FHIP2B: variants seen among roughly 807,000 people sequenced by gnomAD.
FHIP2B encodes FHF complex subunit HOOK-interacting protein 2B.
A neutral mutation model predicts 84.0 loss-of-function variants in FHIP2B; 72 were observed. The ratio of observed to expected loss-of-function variants is 0.86; its 90% CI spans 0.71 to 1.04. The LOEUF is 1.04. FHIP2B is among the 50% of genes least tolerant of loss of function. FHIP2B has a pLI of 0.00. For missense variants in FHIP2B, 972 were observed against 968.9 expected, an observed-to-expected ratio of 1.00 and a Z score of -0.04; for synonymous variants, 497 against 418.7, an observed-to-expected ratio of 1.19 and a Z score of -2.28.
chr8:22,090,249 ATGAGT>A (rs1230738191), intron 1 of FHIP2B, among the ~76,000 whole-genome samples: 1 of 151,948 alleles, frequency 6.6e-6, no homozygotes, highest in Non-Finnish European at 1.5e-5. Context: ...CCCCCAATTG[ATGAGT>A]TGAGTATCAG....
chr8:22,098,641 G>T, intron 7 of FHIP2B, 22 bp downstream of exon 7: 2 of 1,520,792 alleles, frequency 1.3e-6, no homozygotes, highest in Non-Finnish European at 8.9e-7. Flanking sequence ...GCCCGGGAAG[G>T]CCGGCCAGCA....
Position 22,100,954 on chromosome 8 carries a change from T to C in FHIP2B, c.1598T>C (p.Val533Ala). ...ACCAGTTACGATGGCAAAACAGCAGTGACCGAGATCGTCAACAGGTGGGGA... is the reference window on the plus strand; with the variant it reads ...ACCAGTTACGATGGCAAAACAGCAGCGACCGAGATCGTCAACAGGTGGGGA... ...PATSYDGKTAVTEIVNSFLCL... is the reference protein window; with the variant it reads ...PATSYDGKTAATEIVNSFLCL... The change falls in exon 12 of 17, where the codon GTG becomes GCG. Residue 533 changes from valine to alanine, a missense_variant. Physicochemically the swap from Val to Ala is moderately conservative, Grantham distance 64. Transcript: ENST00000289921. 1 of 1,613,822 alleles carries C rather than the reference T, an allele frequency of 6.2e-7. No individual in the cohort carries two copies. The highest frequency in any genetic ancestry group is 8.5e-7 in the Non-Finnish European group (1 of 1,179,858).
At chr8:22,094,560 C>T (rs201680362) in intron 2 of FHIP2B, 42 bp downstream of exon 2, 38 of 1,606,026 alleles carry the variant, frequency 2.4e-5, no homozygotes, top group Middle Eastern at 1.7e-4. Context: ...CTGGAGGGAG[C>T]GGGGAGGAAG....
chr8:22,099,687 G>T lies in FHIP2B; in HGVS notation c.1152-17G>T. ...TCTGCACACACCGGGCCTGGCTAAG[G>T]TGCCCTCTTCCCGTAGGTCCGAGCA... On this transcript the variant is annotated splice_polypyrimidine_tract_variant and intron_variant, in intron 9 of 16. Transcript: ENST00000289921. 2 of 1,555,044 alleles carry T rather than the reference G, an allele frequency of 1.3e-6. No individual in the cohort carries two copies. The highest frequency in any genetic ancestry group is 1.7e-6 in the Non-Finnish European group (2 of 1,156,714).
intron 1 of FHIP2B, among the ~76,000 whole-genome samples, chr8:22,091,698 G>A (rs910196851): frequency 1.3e-5 from 2 of 152,168 alleles, no homozygotes; most frequent in Non-Finnish European, 2.9e-5. Context: ...CGTGTCTCCT[G>A]CCGTACTGGA....
At chr8:22,100,045 A>G (rs954885204) in intron 10 of FHIP2B, 152 bp downstream of exon 10, 1 of 729,590 alleles carries the variant, frequency 1.4e-6, no homozygotes, top group Non-Finnish European at 2.1e-6. Flanking sequence ...ATCACACACT[A>G]ATTTTCTATG....
Position 22,098,558 on chromosome 8 carries a change from C to G in FHIP2B, c.904C>G (p.Arg302Gly). 1 of 1,610,414 alleles carries G rather than the reference C, an allele frequency of 6.2e-7. No individual in the cohort carries two copies. Among genetic ancestry groups the G allele is most frequent in the Non-Finnish European group, 8.5e-7 (1 of 1,178,516 alleles). The change falls in exon 7 of 17, where the codon CGG (arginine) becomes GGG (glycine). Residue 302 changes from arginine to glycine, a missense_variant. Transcript: ENST00000289921. ...CGTCCGGCACCTTTGCCAGTTGTAC[C>G]GGTCCATGCCTGTCTTCCTGGACCC... is the stretch of plus-strand genomic sequence containing the variant. ...AIVRHLCQLY[R>G]SMPVFLDPAD...
Position 22,099,342 on chromosome 8 carries a change from A to G in FHIP2B, c.1133A>G (p.Gln378Arg), listed in dbSNP as rs1457442210. ...GAGAACTTCTTCGTGGAGACCCTGC[A>G]GCCCCAGCTCCTGCACGTGTAAGTG... ...VAENFFVETLQPQLLHVSEQS... is the reference protein window; with the variant it reads ...VAENFFVETLRPQLLHVSEQS... Residue 378 changes from glutamine to arginine, a missense_variant, in exon 9 of 17, where the codon CAG becomes CGG. Coordinates refer to ENST00000289921, the MANE Select transcript of FHIP2B (RefSeq NM_022749.7). 6.8e-6 allele frequency: 11 copies of G among 1,613,554 alleles called. No individual in the cohort carries two copies. In the South Asian group the frequency reaches 1.2e-4, roughly 18 times the overall value.
rs1040004723 is a variant in FHIP2B at position 22,089,219 on chromosome 8, C to T, written c.-35C>T. 3 of 1,058,624 alleles carry T rather than the reference C, an allele frequency of 2.8e-6. No individual in the cohort carries two copies. The highest frequency in any genetic ancestry group is 3.4e-6 in the Non-Finnish European group (3 of 878,152). The allele number at this position is 1,058,624 out of a possible 1,614,324, so 65.6% of individuals were successfully genotyped here. ...CCTCCGCCTAGAGCGCTGCCGCCGC[C>T]GCTTTCGCCCGGGAGCCGGGGGCCG... On this transcript the variant is annotated 5_prime_UTR_variant, in exon 1 of 17. Coordinates refer to ENST00000289921, the MANE Select transcript of FHIP2B (RefSeq NM_022749.7).
At position 22,102,875 on chromosome 8, in the gene FHIP2B, T is replaced by G. The variant is rs1303975756; in HGVS notation, c.2176T>G (p.Phe726Val). The G allele has an allele frequency of 6.2e-7, 1 of 1,613,586 alleles. No individual in the cohort carries two copies. The highest frequency in any genetic ancestry group is 8.5e-7 in the Non-Finnish European group (1 of 1,179,784). ...GCTGGCTGCCATTGCCTTCGTCAAG[T>G]TTCCCCCACATGATCCTCGCCAGAA... is the stretch of plus-strand genomic sequence containing the variant. ...KELAAIAFVK[F>V]PPHDPRQNVS... is the part of the protein sequence containing the mutation. Residue 726 changes from phenylalanine to valine, a missense_variant, in exon 17 of 17, where the codon TTT (phenylalanine) becomes GTT (valine). Transcript: ENST00000289921.
chr8:22,098,096 C>T lies in FHIP2B; in HGVS notation c.554C>T (p.Ala185Val), dbSNP rs1401419654. 3.8e-6 allele frequency: 6 copies of T among 1,591,488 alleles called. No homozygotes were observed. The highest frequency in any genetic ancestry group is 5.1e-6 in the Non-Finnish European group (6 of 1,169,256). The change falls in exon 6 of 17, where the codon GCA (alanine) becomes GTA (valine). Residue 185 changes from alanine to valine, a missense_variant. Physicochemically the swap from Ala to Val is moderately conservative, Grantham distance 64. Transcript: ENST00000289921. Reference sequence around the variant, plus strand: ...AAAAAGATTGTAGGTAGGAAGAAAGCATGCGGAGAACCCACTGCCCTGCCT... The same window carrying T: ...AAAAAGATTGTAGGTAGGAAGAAAGTATGCGGAGAACCCACTGCCCTGCCT... Reference protein sequence around the residue: ...EGKKIVGRKKACGEPTALPKD... With the variant: ...EGKKIVGRKKVCGEPTALPKD...
intron 1 of FHIP2B, among the ~76,000 whole-genome samples, chr8:22,090,542 A>G (rs1176591017): frequency 6.6e-6 from 1 of 152,168 alleles, no homozygotes; most frequent in Admixed American, 6.5e-5. Flanking sequence ...TGATAAACCA[A>G]TTCATACCTC....
intron 1 of FHIP2B, among the ~76,000 whole-genome samples, chr8:22,093,267 A>G: frequency 6.6e-6 from 1 of 152,216 alleles, no homozygotes; most frequent in East Asian, 1.9e-4. Flanking sequence ...GATGATTAGA[A>G]TTCTTTTTTT....
intron 1 of FHIP2B, chr8:22,089,653 C>T: frequency 3.0e-6 from 2 of 657,518 alleles, no homozygotes; most frequent in South Asian, 1.8e-5. Context: ...GGGCCCTAGG[C>T]CGCCTCCCCC....
At position 22,102,855 on chromosome 8, in the gene FHIP2B, C is replaced by A; in HGVS notation, c.2156C>A (p.Ala719Asp). 6.2e-7 allele frequency: 1 copy of A among 1,613,788 alleles called. No homozygotes were observed. The highest frequency in any genetic ancestry group is 8.5e-7 in the Non-Finnish European group (1 of 1,179,848). The change falls in exon 17 of 17, where the codon GCT becomes GAT. Residue 719 changes from alanine to aspartate, a missense_variant. Transcript: ENST00000289921. ...VVLEEFCKEL[A>D]AIAFVKFPPH... ...CTGGAGGAGTTCTGCAAGGAGCTGGCTGCCATTGCCTTCGTCAAGTTTCCC... is the reference window on the plus strand; with the variant it reads ...CTGGAGGAGTTCTGCAAGGAGCTGGATGCCATTGCCTTCGTCAAGTTTCCC...
rs780838000 is a variant in FHIP2B, at chr8:22,102,786, C to T, written c.2094-7C>T. ...CCAGCCATGCCCCCTGTGCCATCTC[C>T]CCTCAGGCTGGACCACCAGACCCTC... On this transcript the variant is annotated splice_polypyrimidine_tract_variant and splice_region_variant and intron_variant, in intron 16 of 16. Coordinates refer to ENST00000289921, the MANE Select transcript of FHIP2B (RefSeq NM_022749.7). 2.0e-5 allele frequency: 33 copies of T among 1,612,610 alleles called. No homozygotes were observed. The South Asian group carries it at 3.4e-4, about 17-fold the overall frequency.
intron 14 of FHIP2B, 99 bp from the exon 15 acceptor site, chr8:22,102,076 C>A: frequency 6.3e-7 from 1 of 1,597,458 alleles, no homozygotes; most frequent in East Asian, 2.2e-5. Flanking sequence ...AGCCTCCCAC[C>A]CCCACACACG....
At chr8:22,093,706 G>GTATTT (rs1328224891) in intron 1 of FHIP2B, among the ~76,000 whole-genome samples, 1 of 36,212 alleles carries the variant, frequency 2.8e-5, no homozygotes, top group Non-Finnish European at 4.9e-5. Flanking sequence ...GAAAAGCTTT[G>GTATTT]TCTTTTTTTT....
At chr8:22,101,207 G>C (rs1447508821) in intron 12 of FHIP2B, 3 of 653,478 alleles carry the variant, frequency 4.6e-6, no homozygotes, top group African/African-American at 3.7e-5. Flanking sequence ...AGTTTTAGTA[G>C]AGACTGGGTT....
Sources: gnomAD v4.1 joint callset for allele counts (sites outside exome capture counted in the v4.1 genomes callset) on GRCh38, gnomAD v4.1.1 for gene constraint, MANE v1.5 for transcripts, NCBI Gene and HGNC (gene_info 2026-07-23, HGNC 2026-07-21) for gene names.